Variants in RALGAPA1 observed in about 807,000 individuals in gnomAD.
The protein encoded by RALGAPA1 is ral GTPase-activating protein subunit alpha-1.
In RALGAPA1, 52 loss-of-function variants were observed where a neutral mutation model predicts 269.6. The ratio of observed to expected loss-of-function variants is 0.19; its 90% CI spans 0.15 to 0.24. RALGAPA1 has a LOEUF of 0.24. RALGAPA1 is among the 10% of genes least tolerant of loss of function. The pLI, the probability that RALGAPA1 is intolerant of heterozygous loss-of-function variation, is 1.00. For synonymous variants in RALGAPA1, 817 were observed against 1,008.3 expected, an observed-to-expected ratio of 0.81 and a Z score of 3.60; for missense variants, 1,917 against 3,013.9, an observed-to-expected ratio of 0.64 and a Z score of 8.52.
intron 22 of RALGAPA1, among the ~76,000 whole-genome samples, chr14:35,675,378 A>G (rs1392272494): frequency 1.3e-5 from 2 of 152,160 alleles, no homozygotes; most frequent in South Asian, 4.1e-4. Context: ...GGGTTTCACT[A>G]TGTTGGCCAG....
intron 35 of RALGAPA1, among the ~76,000 whole-genome samples, chr14:35,606,299 A>T (rs901057798): frequency 6.6e-6 from 1 of 152,230 alleles, no homozygotes; most frequent in Non-Finnish European, 1.5e-5. Context: ...CTACTACACA[A>T]CCTTGGCTAT....
chr14:35,753,610 C>T (rs2072924246), intron 7 of RALGAPA1, among the ~76,000 whole-genome samples: 1 of 152,082 alleles, frequency 6.6e-6, no homozygotes, highest in African/African-American at 2.4e-5. Flanking sequence ...TTGTATGATC[C>T]TATTAACATG....
intron 31 of RALGAPA1, among the ~76,000 whole-genome samples, chr14:35,641,187 C>G (rs1184279542): frequency 6.6e-6 from 1 of 152,092 alleles, no homozygotes; most frequent in African/African-American, 2.4e-5. Context: ...TAGAACAAGA[C>G]AAAGGTGTCC....
intron 1 of RALGAPA1, among the ~76,000 whole-genome samples, chr14:35,780,419 A>T (rs2075350789): frequency 6.6e-6 from 1 of 152,158 alleles, no homozygotes; most frequent in African/African-American, 2.4e-5. Flanking sequence ...AAAAGAATAC[A>T]GTCTTTTCAA....
intron 35 of RALGAPA1, among the ~76,000 whole-genome samples, chr14:35,622,224 C>T (rs1054552918): frequency 3.3e-5 from 5 of 152,052 alleles, no homozygotes; most frequent in Non-Finnish European, 5.9e-5. Context: ...GGGACATGGA[C>T]GAAGCTAGAA....
Position 35,655,492 on chromosome 14 carries a change from C to A in RALGAPA1, c.5496+315G>T, listed in dbSNP as rs139782630. On this transcript the variant is annotated intron_variant, in intron 29 of 41. Coordinates refer to ENST00000680220, the MANE Select transcript of RALGAPA1 (RefSeq NM_001346249.2). ...CAAAGAACAGTAAGTTACAAAAATA[C>A]TAGTTAAAAAAAAACCAGAAAAACC... is the stretch of plus-strand genomic sequence containing the variant. Among the ~76,000 whole-genome samples, 7 of 151,762 alleles carry A rather than the reference C, an allele frequency of 4.6e-5. 1 individual carries two copies. The highest frequency in any genetic ancestry group is 1.7e-4 in the African/African-American group (7 of 41,428).
intron 17 of RALGAPA1, among the ~76,000 whole-genome samples, chr14:35,698,771 T>C (rs1003362451): frequency 2.6e-5 from 4 of 152,172 alleles, no homozygotes; most frequent in Admixed American, 2.0e-4. Flanking sequence ...AACAGAAACA[T>C]TGTTTGCCAA....
intron 5 of RALGAPA1, among the ~76,000 whole-genome samples, chr14:35,761,352 C>CGA (rs1207611604): frequency 6.6e-6 from 1 of 152,076 alleles, no homozygotes; most frequent in South Asian, 2.1e-4. Context: ...AACCAAGAAG[C>CGA]GAGAGAGAGC....
intron 1 of RALGAPA1, among the ~76,000 whole-genome samples, chr14:35,800,938 G>A (rs1595605565): frequency 6.6e-6 from 1 of 152,160 alleles, no homozygotes; most frequent in Non-Finnish European, 1.5e-5. Flanking sequence ...CTGGGAGGCG[G>A]AGGTTGCAGT....
chr14:35,689,845 G>C lies in RALGAPA1; in HGVS notation c.2566C>G (p.Arg856Gly), dbSNP rs1442511906. ...SDILEPFTVE[R>G]AKGAVPVIDS... ...ATGACAGGAACTGCACCTTTGGCTCGTTCAACAGTGAATGGTTCCAAGATG... is the reference window on the plus strand; with the variant it reads ...ATGACAGGAACTGCACCTTTGGCTCCTTCAACAGTGAATGGTTCCAAGATG... The change falls in exon 18 of 42, where the codon CGA (arginine) becomes GGA (glycine). Residue 856 changes from arginine (R) to glycine (G), a missense_variant. Arg to Gly is a moderately radical substitution (Grantham distance 125). This residue lies in a region of RALGAPA1 where 615 missense variants were observed against 790.0 expected (regional missense o/e 0.78). Transcript: ENST00000680220. 1 of 1,599,962 alleles carries C rather than the reference G, an allele frequency of 6.3e-7. No homozygotes were observed. The highest frequency in any genetic ancestry group is 8.5e-7 in the Non-Finnish European group (1 of 1,175,152).
intron 35 of RALGAPA1, among the ~76,000 whole-genome samples, chr14:35,611,617 C>G (rs2059940762): frequency 6.6e-6 from 1 of 151,390 alleles, no homozygotes; most frequent in Middle Eastern, 3.2e-3. Context: ...GTAGTCCTAG[C>G]TACTGGGGAG....
intron 1 of RALGAPA1, among the ~76,000 whole-genome samples, chr14:35,802,371 T>C (rs2077041166): frequency 6.6e-6 from 1 of 152,156 alleles, no homozygotes; most frequent in South Asian, 2.1e-4. Context: ...AAGCTCACTA[T>C]ACATAAATCA....
chr14:35,792,825 A>AAG (rs1405731548), intron 1 of RALGAPA1, among the ~76,000 whole-genome samples: 1 of 107,040 alleles, frequency 9.3e-6, no homozygotes, highest in Non-Finnish European at 2.0e-5. Context: ...AAGAGAAAGA[A>AAG]AGAAAGAAAG....
At chr14:35,702,198 C>G (rs1162101555) in intron 16 of RALGAPA1, among the ~76,000 whole-genome samples, 4 of 152,116 alleles carry the variant, frequency 2.6e-5, no homozygotes, top group Admixed American at 1.3e-4. Flanking sequence ...GAGCAGGAGT[C>G]CAGCTTAACC....
intron 19 of RALGAPA1, 64 bp from the exon 20 acceptor site, chr14:35,685,209 C>T (rs1383420493): frequency 2.9e-6 from 4 of 1,368,182 alleles, no homozygotes; most frequent in East Asian, 5.0e-5. Context: ...CCATCTGAAA[C>T]CTTTAATTTC....
intron 14 of RALGAPA1, 50 bp from the exon 15 acceptor site, chr14:35,723,314 C>T (rs2069597999): frequency 2.0e-6 from 2 of 1,004,558 alleles, no homozygotes; most frequent in South Asian, 1.9e-5. Context: ...TAGTGTGTGA[C>T]TTCAAAATCA....
At chr14:35,775,894 T>C (rs2074987761) in intron 1 of RALGAPA1, 149 bp from the exon 2 acceptor site, 1 of 824,358 alleles carries the variant, frequency 1.2e-6, no homozygotes, top group African/African-American at 1.8e-5. Context: ...TCTATGTCTA[T>C]ATCCTCGTTC....
In RALGAPA1 at chr14:35,723,114, A is replaced by C; in HGVS notation, c.2017T>G (p.Leu673Val). The C allele has an allele frequency of 6.2e-7, 1 of 1,609,288 alleles. No individual in the cohort carries two copies. The highest frequency in any genetic ancestry group is 8.5e-7 in the Non-Finnish European group (1 of 1,175,702). ...SLTMETLTKV[L>V]ARNLYSLDLS... The stretch of plus-strand genomic sequence containing the variant: ...TCCAAACTATATAAATTCCTAGCTA[A>C]AACTTTAGTTAATGTCTCCATAGTC... Residue 673 changes from leucine to valine, a missense_variant, in exon 15 of 42, where the codon TTA becomes GTA. Physicochemically the swap from Leu to Val is conservative, Grantham distance 32. This residue lies in a region of RALGAPA1 where 40 missense variants were observed against 112.6 expected (regional missense o/e 0.36). Transcript: ENST00000680220.
chr14:35,766,841 A>C (rs2074195259), intron 4 of RALGAPA1: 1 of 469,952 alleles, frequency 2.1e-6, no homozygotes, highest in Non-Finnish European at 4.2e-6. Flanking sequence ...AGAAGACCAC[A>C]GAACAGGAAG....
Sources: gnomAD v4.1 joint callset for allele counts (sites outside exome capture counted in the v4.1 genomes callset) on GRCh38, gnomAD v4.1.1 for gene constraint, gnomAD v4.1.1 regional missense constraint, MANE v1.5 for transcripts, NCBI Gene and HGNC (gene_info 2026-07-23, HGNC 2026-07-21) for gene names.